The following GRIA2 variants were observed in gnomAD, a reference collection of about 807,000 sequenced individuals.
GRIA2 encodes glutamate receptor 2.
In GRIA2, 14 loss-of-function variants were observed where a neutral mutation model predicts 97.3. That is an observed-to-expected ratio of 0.14 (90% confidence interval 0.10 to 0.23). The LOEUF (loss-of-function observed/expected upper bound fraction) is 0.23, where lower values mean the gene tolerates loss of function less well. Ranked by LOEUF, GRIA2 falls within the 10% of genes least tolerant of loss-of-function variation. GRIA2 has a pLI of 1.00. For synonymous variants in GRIA2, 412 were observed against 387.8 expected (o/e 1.06, Z -0.73); for missense variants, 558 against 1,069.8 (o/e 0.52, Z 6.67).
chr4:157,271,089 A>G (rs565104174), intron 2 of GRIA2, among the ~76,000 whole-genome samples: 1 of 152,206 alleles, frequency 6.6e-6, no homozygotes, highest in East Asian at 1.9e-4. Context: ...CTAGTAGCGT[A>G]TTAAGAGAAG....
At chr4:157,291,123 A>G (rs1033036647) in intron 2 of GRIA2, among the ~76,000 whole-genome samples, 38 of 151,922 alleles carry the variant, frequency 2.5e-4, no homozygotes, top group African/African-American at 7.2e-4. Context: ...ATTAGCTATC[A>G]TCTGCTCATT....
At position 157,361,310 on chromosome 4, in the gene GRIA2, T is replaced by C. The variant is rs1284691006; in HGVS notation, c.2406+186T>C. ...ACTTCTCTTTCCCTCTCTTTCTCCA[T>C]ATCTCAAGGAAAAATTTGTAACTAA... On this transcript the variant is annotated intron_variant, in intron 14 of 15. Coordinates refer to ENST00000264426, the MANE Select transcript of GRIA2 (RefSeq NM_001083619.3). The surrounding 1 kb of genome is among the most constrained non-coding windows in gnomAD (Gnocchi z 5.2). Among the ~76,000 whole-genome samples, 2 of 152,168 alleles carry C rather than the reference T, an allele frequency of 1.3e-5. No homozygotes were observed. Among genetic ancestry groups the C allele is most frequent in the African/African-American group, 2.4e-5 (1 of 41,446 alleles).
At chr4:157,288,513 A>G (rs546225397) in intron 2 of GRIA2, among the ~76,000 whole-genome samples, 2 of 151,900 alleles carry the variant, frequency 1.3e-5, no homozygotes, top group South Asian at 4.1e-4. Context: ...ATCTAAGGCT[A>G]TAGTGGATAG....
intron 12 of GRIA2, among the ~76,000 whole-genome samples, chr4:157,345,754 G>T (rs1160188091): frequency 6.6e-6 from 1 of 151,994 alleles, no homozygotes; most frequent in African/African-American, 2.4e-5. Flanking sequence ...TGTTCCTTCT[G>T]GTTGTCTCCT....
intron 4 of GRIA2, among the ~76,000 whole-genome samples, chr4:157,317,259 A>G (rs1423307720): frequency 6.6e-6 from 1 of 152,212 alleles, no homozygotes; most frequent in Non-Finnish European, 1.5e-5. Context: ...CAGATGTTAA[A>G]CAGTTTGAGA....
Position 157,362,964 on chromosome 4 carries a change from T to C in GRIA2, c.2572T>C (p.Ser858Pro). 1 of 1,613,522 alleles carries C rather than the reference T, an allele frequency of 6.2e-7. No individual in the cohort carries two copies. The highest frequency in any genetic ancestry group is 1.1e-5 in the South Asian group (1 of 91,064). ...AAAGAATGCACAGAATATTAACCCA[T>C]CTTCCTCGCAGAATTCACAGAATTT... ...VAKNAQNINP[S>P]SSQNSQNFAT... Residue 858 changes from serine to proline, a missense_variant, in exon 15 of 16, where the codon TCT (serine) becomes CCT (proline). Coordinates refer to ENST00000264426, the MANE Select transcript of GRIA2 (RefSeq NM_001083619.3).
intron 2 of GRIA2, among the ~76,000 whole-genome samples, chr4:157,302,166 G>A (rs1733644551): frequency 1.4e-5 from 2 of 143,010 alleles, no homozygotes; most frequent in African/African-American, 2.6e-5. Context: ...TGACGAGCAG[G>A]ACTGTGTCTC....
Position 157,220,985 on chromosome 4 carries a change from A to C in GRIA2, c.-58A>C. On this transcript the variant is annotated 5_prime_UTR_variant, in exon 1 of 16. Coordinates refer to ENST00000264426, the MANE Select transcript of GRIA2 (RefSeq NM_001083619.3). ...TGCAGAGGAAAACAGCCAAAGAAGG[A>C]AGAGGAGGAAAAGGAAAAAAAAAGG... The C allele has an allele frequency of 1.2e-6, 1 of 849,696 alleles. No individual in the cohort carries two copies. The highest frequency in any genetic ancestry group is 2.4e-5 in the East Asian group (1 of 41,454). 52.6% of individuals were successfully genotyped at this position (849,696 alleles called of 1,614,324 possible).
At chr4:157,348,965 A>C (rs1417770474) in intron 12 of GRIA2, among the ~76,000 whole-genome samples, 1 of 152,176 alleles carries the variant, frequency 6.6e-6, no homozygotes, top group Non-Finnish European at 1.5e-5. Context: ...GTCCTATATA[A>C]TTTTGCTCCA....
chr4:157,364,498 A>G lies in GRIA2; in HGVS notation c.*1067A>G, dbSNP rs1322642516. 6.6e-6 allele frequency: 1 copy of G among 151,892 alleles called. No homozygotes were observed. The highest frequency in any genetic ancestry group is 1.5e-5 in the Non-Finnish European group (1 of 67,796). 9.4% of individuals were successfully genotyped at this position (151,892 alleles called of 1,614,324 possible). On this transcript the variant is annotated 3_prime_UTR_variant, in exon 16 of 16. Transcript: ENST00000264426. ...ATATATATATAAAGAAATATTTGTT[A>G]ACACAAAAGCATTTGATCTATGTAG...
intron 4 of GRIA2, among the ~76,000 whole-genome samples, chr4:157,315,375 TC>T (rs761799405): frequency 5.2e-4 from 66 of 127,432 alleles, no homozygotes; most frequent in East Asian, 1.8e-3. Flanking sequence ...TAAGGTACAT[TC>T]CAAAAAAAAA....
intron 2 of GRIA2, among the ~76,000 whole-genome samples, chr4:157,285,358 C>G (rs912444324): frequency 4.6e-5 from 7 of 151,026 alleles, no homozygotes; most frequent in African/African-American, 1.7e-4. Context: ...TTGTGATTTG[C>G]CTTTATATTT....
chr4:157,320,458 A>G (rs1734510396), intron 5 of GRIA2, among the ~76,000 whole-genome samples: 1 of 152,124 alleles, frequency 6.6e-6, no homozygotes, highest in Admixed American at 6.5e-5. Flanking sequence ...CTTAACTGGA[A>G]CATACCTACG....
chr4:157,341,145 A>AT, intron 11 of GRIA2, 119 bp from the exon 12 acceptor site: 1 of 710,284 alleles, frequency 1.4e-6, no homozygotes, highest in Non-Finnish European at 2.4e-6. Context: ...TAGTAGATAC[A>AT]TTGAAAAATA....
chr4:157,307,015 G>A (rs1157292942), intron 3 of GRIA2, among the ~76,000 whole-genome samples: 1 of 152,032 alleles, frequency 6.6e-6, no homozygotes, highest in Non-Finnish European at 1.5e-5. Flanking sequence ...TTCTTGATGG[G>A]CTGTCTCTTC....
chr4:157,236,232 G>A (rs1037446040), intron 2 of GRIA2, among the ~76,000 whole-genome samples: 1 of 151,816 alleles, frequency 6.6e-6, no homozygotes, highest in Non-Finnish European at 1.5e-5. Context: ...CTTAAAAATT[G>A]TGATGAAAAT....
intron 2 of GRIA2, among the ~76,000 whole-genome samples, chr4:157,271,601 C>G (rs987081744): frequency 6.6e-6 from 1 of 152,102 alleles, no homozygotes; most frequent in Non-Finnish European, 1.5e-5. Context: ...GTTCTCCAAA[C>G]TCTGTCCTTT....
At chr4:157,330,857 A>T (rs769664201) in intron 6 of GRIA2, among the ~76,000 whole-genome samples, 1 of 151,988 alleles carries the variant, frequency 6.6e-6, no homozygotes, top group Non-Finnish European at 1.5e-5. Flanking sequence ...GAGGGATTTC[A>T]CAGAACATAA....
At chr4:157,235,861 T>C (rs1444681220) in intron 2 of GRIA2, among the ~76,000 whole-genome samples, 3 of 152,024 alleles carry the variant, frequency 2.0e-5, no homozygotes, top group African/African-American at 4.8e-5. Context: ...ATAAATACTA[T>C]TTTAGGTTGT....
Sources: gnomAD v4.1 joint callset for allele counts (sites outside exome capture counted in the v4.1 genomes callset) on GRCh38, gnomAD v4.1.1 for gene constraint, Gnocchi (gnomAD v3.1) non-coding constraint, MANE v1.5 for transcripts, NCBI Gene and HGNC (gene_info 2026-07-23, HGNC 2026-07-21) for gene names.